Variants in CFAP299 observed in about 807,000 individuals in gnomAD.
The protein encoded by CFAP299 is cilia and flagella associated protein 299, also known as cilia- and flagella-associated protein 299.
A neutral mutation model predicts 27.0 loss-of-function variants in CFAP299; 21 were observed. The observed-to-expected ratio is 0.78, with a 90% CI of 0.55 to 1.12. CFAP299 has a LOEUF of 1.12. Ranked by LOEUF, CFAP299 falls within the 50% of genes most tolerant of loss-of-function variation. The pLI is 0.00. For synonymous variants in CFAP299, 104 were observed against 98.1 expected (o/e 1.06, Z -0.36); for missense variants, 310 against 276.6 (o/e 1.12, Z -0.86).
chr4:80,916,532 C>G (rs1010897567), intron 4 of CFAP299, among the ~76,000 whole-genome samples: 3 of 151,664 alleles, frequency 2.0e-5, no homozygotes, highest in African/African-American at 7.3e-5. Context: ...GTCTAAGTTG[C>G]CCCTACAACT....
At chr4:80,485,806 G>A (rs953197973) in intron 2 of CFAP299, among the ~76,000 whole-genome samples, 7 of 151,972 alleles carry the variant, frequency 4.6e-5, no homozygotes, top group Admixed American at 2.0e-4. Flanking sequence ...TTTCACATAC[G>A]TAGTAAAGGC....
At position 80,653,640 on chromosome 4, in the gene CFAP299, C is replaced by T. The variant is rs77645269; in HGVS notation, c.333+70457C>T. Among the ~76,000 whole-genome samples the T allele has an allele frequency of 8.2e-4, 125 of 152,050 alleles. 1 individual carries two copies. The highest frequency in any genetic ancestry group is 1.4e-3 in the Non-Finnish European group (97 of 67,954). On this transcript the variant is annotated intron_variant, in intron 3 of 5. Transcript: ENST00000358105. ...ACATATTAGCACTTCCATTTATATT[C>T]GTTTTGAATGTAACACAAGGACACA... is the stretch of plus-strand genomic sequence containing the variant.
chr4:80,948,000 A>G (rs1737564100), intron 5 of CFAP299, among the ~76,000 whole-genome samples: 1 of 152,146 alleles, frequency 6.6e-6, no homozygotes, highest in South Asian at 2.1e-4. Context: ...ATCCTTCCTA[A>G]GGTGAACATC....
At chr4:80,937,398 CATCA>C (rs1225229564) in intron 4 of CFAP299, among the ~76,000 whole-genome samples, 2 of 140,836 alleles carry the variant, frequency 1.4e-5, no homozygotes, top group East Asian at 4.4e-4. Context: ...CTCACTCTAG[CATCA>C]ATATCCCAGG....
intron 2 of CFAP299, among the ~76,000 whole-genome samples, chr4:80,469,807 T>A (rs1729892310): frequency 6.6e-6 from 1 of 152,168 alleles, no homozygotes; most frequent in Admixed American, 6.5e-5. Flanking sequence ...CCTATTAATA[T>A]TGTAAGTCTT....
At chr4:80,762,709 A>AT (rs1178944330) in intron 3 of CFAP299, among the ~76,000 whole-genome samples, 1 of 152,144 alleles carries the variant, frequency 6.6e-6, no homozygotes, top group Non-Finnish European at 1.5e-5. Context: ...ACTGGTGAAC[A>AT]ATCTTTTGCT....
chr4:80,782,664 CATATATAATATACATATAT>C (rs1726975525), intron 3 of CFAP299, among the ~76,000 whole-genome samples: 1 of 117,124 alleles, frequency 8.5e-6, no homozygotes, highest in Non-Finnish European at 1.8e-5. Context: ...ATAATATATT[CATATATAATATACATATAT>C]GAATATATAA....
chr4:80,687,737 C>T (rs900509189), intron 3 of CFAP299, among the ~76,000 whole-genome samples: 7 of 152,168 alleles, frequency 4.6e-5, no homozygotes, highest in East Asian at 3.9e-4. Context: ...GCGTGAGCGA[C>T]GCAGAAGACA....
chr4:80,531,877 C>A (rs1200786740), intron 2 of CFAP299, among the ~76,000 whole-genome samples: 1 of 151,868 alleles, frequency 6.6e-6, no homozygotes, highest in Non-Finnish European at 1.5e-5. Context: ...TCTCAGCCTC[C>A]CAAGTAGCTG....
intron 3 of CFAP299, among the ~76,000 whole-genome samples, chr4:80,612,236 T>A (rs1738020414): frequency 6.6e-6 from 1 of 152,094 alleles, no homozygotes; most frequent in South Asian, 2.1e-4. Flanking sequence ...CTGTCTTTTC[T>A]TATCTCCTTC....
chr4:80,937,093 G>C (rs1267268465), intron 4 of CFAP299, among the ~76,000 whole-genome samples: 1 of 151,734 alleles, frequency 6.6e-6, no homozygotes, highest in Non-Finnish European at 1.5e-5. Context: ...TCTTCCTTCA[G>C]TTCTATTAAT....
At chr4:80,778,957 T>TA (rs1726716116) in intron 3 of CFAP299, among the ~76,000 whole-genome samples, 1 of 152,130 alleles carries the variant, frequency 6.6e-6, no homozygotes, top group Admixed American at 6.6e-5. Flanking sequence ...ATTTTGTAGA[T>TA]ACTGTCTTAA....
intron 2 of CFAP299, among the ~76,000 whole-genome samples, chr4:80,518,537 C>A (rs1023350424): frequency 6.6e-6 from 1 of 151,932 alleles, no homozygotes; most frequent in African/African-American, 2.4e-5. Context: ...GAATGCAGGT[C>A]AGATTACTTT....
At chr4:80,847,370 C>G (rs373154864) in intron 3 of CFAP299, among the ~76,000 whole-genome samples, 1 of 152,158 alleles carries the variant, frequency 6.6e-6, no homozygotes, top group African/African-American at 2.4e-5. Context: ...GCAATTCTGT[C>G]GGATACCCAC....
Position 80,874,983 on chromosome 4 carries a change from A to C in CFAP299, c.476+4848A>C, listed in dbSNP as rs540900780. The stretch of plus-strand genomic sequence containing the variant: ...AAATAATAATGTGATAGATATTTTG[A>C]GTTATAAAATACATTATTAAAATAA... On this transcript the variant is annotated intron_variant, in intron 4 of 5. Transcript: ENST00000358105. Among the ~76,000 whole-genome samples, 15 of 152,342 alleles carry C rather than the reference A, an allele frequency of 9.8e-5. No homozygotes were observed. In the South Asian group the frequency reaches 3.1e-3, roughly 32 times the overall value.
chr4:80,685,686 G>T (rs563938849), intron 3 of CFAP299, among the ~76,000 whole-genome samples: 1 of 150,400 alleles, frequency 6.6e-6, no homozygotes, highest in South Asian at 2.2e-4. Flanking sequence ...ATTAATTAAG[G>T]TGCCTGTGCT....
At chr4:80,486,402 A>G (rs1465828900) in intron 2 of CFAP299, among the ~76,000 whole-genome samples, 1 of 152,168 alleles carries the variant, frequency 6.6e-6, no homozygotes, top group Non-Finnish European at 1.5e-5. Context: ...CACCAAACCC[A>G]GGATACAGAG....
chr4:80,774,281 T>G (rs1029020264), intron 3 of CFAP299, among the ~76,000 whole-genome samples: 3 of 151,860 alleles, frequency 2.0e-5, no homozygotes, highest in African/African-American at 4.8e-5. Context: ...TCACCAAAAC[T>G]TTGCATAAAC....
At chr4:80,810,583 G>A (rs1457793193) in intron 3 of CFAP299, among the ~76,000 whole-genome samples, 1 of 152,058 alleles carries the variant, frequency 6.6e-6, no homozygotes, top group Non-Finnish European at 1.5e-5. Context: ...CTGGAGGGAT[G>A]CATCTATAAA....
Sources: gnomAD v4.1 joint callset for allele counts (sites outside exome capture counted in the v4.1 genomes callset) on GRCh38, gnomAD v4.1.1 for gene constraint, MANE v1.5 for transcripts, NCBI Gene and HGNC (gene_info 2026-07-23, HGNC 2026-07-21) for gene names.